The following FMNL2 variants were observed in gnomAD, a reference collection of about 807,000 sequenced individuals.
FMNL2 encodes formin-like protein 2.
In FMNL2, 51 loss-of-function variants were observed where a neutral mutation model predicts 130.2. The ratio of observed to expected loss-of-function variants is 0.39; its 90% CI spans 0.31 to 0.49. FMNL2 has a LOEUF of 0.49. Among genes scored for constraint, FMNL2 ranks in the 20% least tolerant of loss-of-function variants. FMNL2 has a pLI of 0.85. For synonymous variants in FMNL2, 465 were observed against 467.1 expected (o/e 1.00, Z 0.06); for missense variants, 977 against 1,316.2 (o/e 0.74, Z 3.99).
chr2:152,479,327 G>C (rs886090122), intron 1 of FMNL2, among the ~76,000 whole-genome samples: 1 of 152,064 alleles, frequency 6.6e-6, no homozygotes, highest in African/African-American at 2.4e-5. Context: ...AAGTTTTTAG[G>C]AGGGATGAGG....
At chr2:152,580,892 A>C in intron 8 of FMNL2, 64 bp from the exon 9 acceptor site, 1 of 1,436,276 alleles carries the variant, frequency 7.0e-7, no homozygotes, top group Non-Finnish European at 9.7e-7. Context: ...CTTGGAAGGA[A>C]GAAACAGCTG....
At chr2:152,525,790 G>A (rs1412379850) in intron 2 of FMNL2, among the ~76,000 whole-genome samples, 2 of 152,288 alleles carry the variant, frequency 1.3e-5, no homozygotes, top group South Asian at 2.1e-4. Flanking sequence ...GCCCTCTGCT[G>A]CCACTCAGCC....
intron 9 of FMNL2, among the ~76,000 whole-genome samples, chr2:152,597,410 G>A (rs1371533278): frequency 2.0e-5 from 3 of 152,170 alleles, no homozygotes; most frequent in Non-Finnish European, 4.4e-5. Context: ...CGGCAGAAAT[G>A]CTTTATGCAG....
chr2:152,412,486 ATATATATATATAT>A (rs1686370777), intron 1 of FMNL2, among the ~76,000 whole-genome samples: 1 of 97,350 alleles, frequency 1.0e-5, no homozygotes, highest in Non-Finnish European at 2.0e-5. Context: ...ATATATATAT[ATATATATATATAT>A]ATAAATTAGA....
chr2:152,420,623 C>T (rs191173888), intron 1 of FMNL2, among the ~76,000 whole-genome samples: 36 of 152,264 alleles, frequency 2.4e-4, no homozygotes, highest in African/African-American at 8.2e-4. Context: ...AGCTGACCAG[C>T]GACATCTCAT....
chr2:152,642,414 A>T (rs1469408360), intron 25 of FMNL2, among the ~76,000 whole-genome samples: 1 of 152,230 alleles, frequency 6.6e-6, no homozygotes, highest in Non-Finnish European at 1.5e-5. Context: ...CTTCCAGATT[A>T]AAGCAGTGTA....
rs1030767897 is a variant in FMNL2, at chr2:152,546,988, C to T, written c.283-2033C>T. On this transcript the variant is annotated intron_variant, in intron 3 of 25. Coordinates refer to ENST00000288670, the MANE Select transcript of FMNL2 (RefSeq NM_052905.4). ...TGAGATGGAGTCTCGCTCTGTCACC[C>T]CGGATGGAGTGCAGTGGCCCGATTT... is the stretch of plus-strand genomic sequence containing the variant. 1.3e-5 allele frequency among the ~76,000 whole-genome samples: 2 copies of T among 151,498 alleles called. 1 individual carries two copies. The highest frequency in any genetic ancestry group is 1.3e-4 in the Admixed American group (2 of 15,196).
At chr2:152,436,043 G>T (rs923845099) in intron 1 of FMNL2, among the ~76,000 whole-genome samples, 9 of 148,854 alleles carry the variant, frequency 6.0e-5, no homozygotes, top group Non-Finnish European at 1.3e-4. Context: ...GACGTGCTTA[G>T]TTTTTTTTTT....
intron 9 of FMNL2, among the ~76,000 whole-genome samples, chr2:152,593,753 GT>G (rs1697563146): frequency 6.6e-6 from 1 of 151,564 alleles, no homozygotes; most frequent in African/African-American, 2.4e-5. Context: ...TATTTTTTTA[GT>G]GGGGGTGTAA....
At chr2:152,577,978 A>G (rs1171976627) in intron 7 of FMNL2, among the ~76,000 whole-genome samples, 1 of 152,184 alleles carries the variant, frequency 6.6e-6, no homozygotes. Flanking sequence ...GCTAATGGCA[A>G]TGAGTCTATG....
intron 1 of FMNL2, among the ~76,000 whole-genome samples, chr2:152,492,994 C>T (rs771409558): frequency 2.0e-5 from 3 of 152,132 alleles, no homozygotes; most frequent in Non-Finnish European, 4.4e-5. Flanking sequence ...TGAAGCCAAC[C>T]ATAATTGTGG....
intron 1 of FMNL2, among the ~76,000 whole-genome samples, chr2:152,438,503 CTT>C (rs930869336): frequency 1.2e-4 from 18 of 152,284 alleles, no homozygotes; most frequent in African/African-American, 4.3e-4. Flanking sequence ...CGTCTTCAGA[CTT>C]TTAAAGGAGA....
intron 1 of FMNL2, among the ~76,000 whole-genome samples, chr2:152,473,942 T>A (rs758152631): frequency 3.3e-5 from 5 of 152,216 alleles, no homozygotes; most frequent in African/African-American, 1.2e-4. Context: ...TGACGCAATC[T>A]TGGCTCACTG....
intron 1 of FMNL2, among the ~76,000 whole-genome samples, chr2:152,465,053 A>G (rs1373564616): frequency 6.6e-6 from 1 of 152,226 alleles, no homozygotes; most frequent in Non-Finnish European, 1.5e-5. Context: ...CTTGTAATAC[A>G]GTGGGATCAG....
rs749143535 is a variant in FMNL2 at position 152,628,421 on chromosome 2, C to T, written c.2288C>T (p.Ser763Leu). 1.2e-6 allele frequency: 2 copies of T among 1,614,024 alleles called. No individual in the cohort carries two copies. The highest frequency in any genetic ancestry group is 1.7e-6 in the Non-Finnish European group (2 of 1,179,904). The change falls in exon 18 of 26, where the codon TCA (serine) becomes TTA (leucine). Residue 763 changes from serine to leucine, a missense_variant. By Grantham distance (145) the Ser-to-Leu change is moderately radical. This residue lies in a region of FMNL2 where 689 missense variants were observed against 995.9 expected (regional missense o/e 0.69). Coordinates refer to ENST00000288670, the MANE Select transcript of FMNL2 (RefSeq NM_052905.4). ...ERERKPLENL[S>L]DEDRFMMQFS... ...GAAAGGAAGCCTCTGGAAAACTTGT[C>T]AGATGAAGATCGGTTCATGATGCAG...
At chr2:152,387,043 A>T (rs376934252) in intron 1 of FMNL2, among the ~76,000 whole-genome samples, 11 of 152,328 alleles carry the variant, frequency 7.2e-5, no homozygotes, top group African/African-American at 2.6e-4. Flanking sequence ...GGACTGGTTC[A>T]TAGATATTTC....
At chr2:152,452,288 C>G (rs1256417422) in intron 1 of FMNL2, among the ~76,000 whole-genome samples, 1 of 152,194 alleles carries the variant, frequency 6.6e-6, no homozygotes, top group Non-Finnish European at 1.5e-5. Context: ...ACTTATCTAA[C>G]TCTGAGAAGC....
At chr2:152,394,081 AC>A (rs140036088) in intron 1 of FMNL2, among the ~76,000 whole-genome samples, 1,809 of 152,200 alleles carry the variant, frequency 0.012, 38 homozygotes, top group African/African-American at 0.041. Context: ...ATTTATTTTG[AC>A]TATTTTCCTC....
intron 1 of FMNL2, among the ~76,000 whole-genome samples, chr2:152,409,708 G>A (rs967015532): frequency 8.5e-5 from 13 of 152,310 alleles, no homozygotes; most frequent in African/African-American, 2.9e-4. Flanking sequence ...TGAAGCTGAT[G>A]ATGGCATTGA....
Sources: allele counts gnomAD v4.1 joint callset (sites outside exome capture counted in the v4.1 genomes callset), GRCh38; gene constraint gnomAD v4.1.1; regional missense constraint gnomAD v4.1.1; transcripts MANE v1.5; gene names NCBI Gene and HGNC (gene_info 2026-07-23, HGNC 2026-07-21).